The following PANK2 variants were observed in gnomAD, a reference collection of about 807,000 sequenced individuals.
PANK2 encodes pantothenate kinase 2, also known as pantothenate kinase 2, mitochondrial.
A neutral mutation model predicts 43.1 loss-of-function variants in PANK2; 36 were observed. The ratio of observed to expected loss-of-function variants is 0.84; its 90% CI spans 0.64 to 1.10. The LOEUF (loss-of-function observed/expected upper bound fraction) is 1.10, where lower values mean the gene tolerates loss of function less well. Among genes scored for constraint, PANK2 ranks in the 50% least tolerant of loss-of-function variants. PANK2 has a pLI of 0.00. For missense variants in PANK2, 576 were observed against 593.3 expected (o/e 0.97, Z 0.30); for synonymous variants, 281 against 238.2 (o/e 1.18, Z -1.66).
At chr20:3,893,757 C>T (rs2090159552) in intron 1 of PANK2, among the ~76,000 whole-genome samples, 1 of 151,978 alleles carries the variant, frequency 6.6e-6, no homozygotes, top group African/African-American at 2.4e-5. Context: ...TTGCTGTTGG[C>T]AGTATGGAAC....
chr20:3,898,327 T>G (rs6052153), intron 1 of PANK2, among the ~76,000 whole-genome samples: 102,733 of 151,784 alleles, frequency 0.68, 35,168 homozygotes, highest in Admixed American at 0.76. Flanking sequence ...AGCCTCCTGA[T>G]TATCTGGGAT....
chr20:3,889,169 A>G (rs2090065432), upstream of PANK2: 4 of 1,601,194 alleles, frequency 2.5e-6, no homozygotes, highest in South Asian at 1.1e-5. Context: ...CTTCTGGGCT[A>G]CACCGCCTTC....
chr20:3,904,811 A>C (rs1035742130), intron 1 of PANK2, among the ~76,000 whole-genome samples: 3 of 151,900 alleles, frequency 2.0e-5, no homozygotes, highest in African/African-American at 7.3e-5. Context: ...TCAGATATTT[A>C]GTTTCTCATT....
Position 3,926,397 on chromosome 20 carries a change from G to A in PANK2, c.*3103G>A, listed in dbSNP as rs900336027. On this transcript the variant is annotated 3_prime_UTR_variant, in exon 7 of 7. Coordinates refer to ENST00000610179, the MANE Select transcript of PANK2 (RefSeq NM_001386393.1). ...CTGTGGCTCAGGGGACTGAGAAGAG[G>A]AGCTCTCTAGGCATCTGAATTGAGG... The A allele has an allele frequency of 6.6e-6, 1 of 152,232 alleles. No homozygotes were observed. Among genetic ancestry groups the A allele is most frequent in the African/African-American group, 2.4e-5 (1 of 41,442 alleles). The allele number at this position is 152,232 out of a possible 1,614,324, so 9.4% of individuals were successfully genotyped here.
At chr20:3,905,685 TAATATATCA>T (rs373914439) in intron 1 of PANK2, among the ~76,000 whole-genome samples, 171 of 150,138 alleles carry the variant, frequency 1.1e-3, no homozygotes, top group African/African-American at 3.9e-3. Context: ...TTTTAGAAAA[TAATATATCA>T]AATATATCAA....
At chr20:3,916,261 C>T (rs192115688) in intron 4 of PANK2, among the ~76,000 whole-genome samples, 3 of 152,236 alleles carry the variant, frequency 2.0e-5, no homozygotes, top group East Asian at 3.9e-4. Context: ...AATTGTTTTT[C>T]GTATATTGGG....
In PANK2 at chr20:3,924,371, C is replaced by T. The variant is rs772184794; in HGVS notation, c.*1077C>T. 6.6e-6 allele frequency: 1 copy of T among 152,240 alleles called. No homozygotes were observed. The allele number at this position is 152,240 out of a possible 1,614,324, so 9.4% of individuals were successfully genotyped here. ...CAGCCTTGGACCAGGAGGGAAAACC[C>T]CAAGGCTCTGCAGCCTCCCTGCTCC... On this transcript the variant is annotated 3_prime_UTR_variant, in exon 7 of 7. Coordinates refer to ENST00000610179, the MANE Select transcript of PANK2 (RefSeq NM_001386393.1).
intron 1 of PANK2, among the ~76,000 whole-genome samples, chr20:3,907,440 C>G (rs189569824): frequency 6.6e-6 from 1 of 152,036 alleles, no homozygotes; most frequent in Non-Finnish European, 1.5e-5. Context: ...CTATTGAAAC[C>G]TTTTATTTTT....
upstream of PANK2, chr20:3,888,888 G>A (rs1379076563): frequency 3.9e-6 from 2 of 516,636 alleles, no homozygotes; most frequent in South Asian, 3.2e-5. Flanking sequence ...GAACTAGGCC[G>A]AGGGACAAAG....
chr20:3,920,247 C>CA (rs2090625458), intron 6 of PANK2, among the ~76,000 whole-genome samples: 1 of 151,540 alleles, frequency 6.6e-6, no homozygotes, highest in Non-Finnish European at 1.5e-5. Flanking sequence ...TGCGGTGGCT[C>CA]ACGTCTGTAA....
chr20:3,889,198 G>A (rs771563101), upstream of PANK2: 7 of 1,612,152 alleles, frequency 4.3e-6, no homozygotes, highest in Admixed American at 3.3e-5. Flanking sequence ...CGCGGAACCC[G>A]GATCCCCTCC....
At chr20:3,888,894 C>T (rs369178233), upstream of PANK2, 1 of 522,872 alleles carries the variant, frequency 1.9e-6, no homozygotes, top group East Asian at 3.0e-5. Flanking sequence ...GGCCGAGGGA[C>T]AAAGGCTAAG....
At chr20:3,905,765 T>C (rs1327667218) in intron 1 of PANK2, among the ~76,000 whole-genome samples, 1 of 146,630 alleles carries the variant, frequency 6.8e-6, no homozygotes, top group Non-Finnish European at 1.5e-5. Context: ...ACCCAGGCTG[T>C]AGTGCAGTAG....
rs35978823 is a variant in PANK2 at position 3,896,229 on chromosome 20, ATTTTTT to A, written c.298+6518_298+6523del. Reference sequence around the variant, plus strand: ...AGGTGCCCGCCACCACGCCTGGCTAATTTTTTTTTTTTTTTTTTTTTTGTATTTTTA... The same window carrying A: ...AGGTGCCCGCCACCACGCCTGGCTAATTTTTTTTTTTTTTTTGTATTTTTA... On this transcript the variant is annotated intron_variant, in intron 1 of 6. Coordinates refer to ENST00000610179, the MANE Select transcript of PANK2 (RefSeq NM_001386393.1). 4.1e-4 allele frequency among the ~76,000 whole-genome samples: 46 copies of A among 111,932 alleles called. 1 individual carries two copies. Among genetic ancestry groups the A allele is most frequent in the African/African-American group, 1.4e-3 (42 of 29,122 alleles). The allele number at this position is 111,932 out of a possible 152,430, so 73.4% of individuals were successfully genotyped here. A position where few individuals can be genotyped will look rare whatever the true frequency, so the allele number is the denominator to read the frequency against.
intron 6 of PANK2, chr20:3,921,178 C>T (rs2090641024): frequency 6.6e-6 from 1 of 151,976 alleles, no homozygotes; most frequent in Non-Finnish European, 1.5e-5. Context: ...TTAAGTATAT[C>T]TCCTAATGCT....
rs966645850 is a variant in PANK2 at position 3,900,462 on chromosome 20, T to A, written c.299-7464T>A. ...CTAGTATTCATCTCTAGTGAGGTGC[T>A]TAAGAGTGCTTAACATTTTTATAAT... On this transcript the variant is annotated intron_variant, in intron 1 of 6. Transcript: ENST00000610179. Among the ~76,000 whole-genome samples, 14 of 152,032 alleles carry A rather than the reference T, an allele frequency of 9.2e-5. No individual in the cohort carries two copies. The East Asian group carries it at 2.5e-3, about 27-fold the overall frequency.
intron 1 of PANK2, among the ~76,000 whole-genome samples, chr20:3,898,692 CTTTG>C (rs2090250834): frequency 6.6e-6 from 1 of 151,942 alleles, no homozygotes; most frequent in East Asian, 1.9e-4. Flanking sequence ...AGATTTATTT[CTTTG>C]TTTGTTGGAT....
In PANK2 at chr20:3,913,793, T is replaced by A. The variant is rs1475829827; in HGVS notation, c.1082+1159T>A. On this transcript the variant is annotated intron_variant, in intron 4 of 6. Coordinates refer to ENST00000610179, the MANE Select transcript of PANK2 (RefSeq NM_001386393.1). ...ACACACACATATATATATATATATT[T>A]TTTTTTTTTTTTTGAGACGGAGTCT... is the stretch of plus-strand genomic sequence containing the variant. 9.4e-3 allele frequency among the ~76,000 whole-genome samples: 980 copies of A among 104,558 alleles called. 11 individuals carry two copies. Among genetic ancestry groups the A allele is most frequent in the East Asian group, 0.037 (164 of 4,408 alleles). 68.6% of individuals were successfully genotyped at this position (104,558 alleles called of 152,430 possible).
chr20:3,903,722 G>C (rs543132767), intron 1 of PANK2, among the ~76,000 whole-genome samples: 1 of 151,116 alleles, frequency 6.6e-6, no homozygotes, highest in Non-Finnish European at 1.5e-5. Context: ...CCATCTCCTG[G>C]GATCAAGCGA....
Sources: gnomAD v4.1 joint callset for allele counts (sites outside exome capture counted in the v4.1 genomes callset) on GRCh38, gnomAD v4.1.1 for gene constraint, MANE v1.5 for transcripts, NCBI Gene and HGNC (gene_info 2026-07-23, HGNC 2026-07-21) for gene names.